DCHS2: variants seen among roughly 807,000 people sequenced by gnomAD.
DCHS2 encodes the protein dachsous cadherin-related 2.
Under a neutral mutation model 182.4 loss-of-function variants are expected in DCHS2, and 142 were observed. The ratio of observed to expected loss-of-function variants is 0.78; its 90% confidence interval spans 0.68 to 0.89. DCHS2 has a LOEUF of 0.89. DCHS2 is among the 40% of genes least tolerant of loss of function. The pLI is 0.00. For missense variants in DCHS2, 4,319 were observed against 4,198.6 expected (o/e 1.03, Z -0.79); for synonymous variants, 1,740 against 1,663.3 (o/e 1.05, Z -1.12).
Position 154,377,419 on chromosome 4 carries a change from C to T in DCHS2, c.2078G>A (p.Gly693Glu), listed in dbSNP as rs981406182. 6.2e-7 allele frequency: 1 copy of T among 1,612,972 alleles called. No individual in the cohort carries two copies. The highest frequency in any genetic ancestry group is 8.5e-7 in the Non-Finnish European group (1 of 1,179,382). ...LQVTASDADS[G>E]LYGFIEYSLY... is the part of the protein sequence containing the mutation. The stretch of plus-strand genomic sequence containing the variant: ...AGAATATTCAATAAAGCCATAGAGT[C>T]CTGAATCTGCATCAGAGGCTGTCAC... The change falls in exon 2 of 20, where the codon GGA becomes GAA. Residue 693 changes from glycine (G) to glutamate (E), a missense_variant. Coordinates refer to ENST00000357232, the MANE Select transcript of DCHS2 (RefSeq NM_001358235.2).
chr4:154,395,806 G>A (rs781718133), intron 1 of DCHS2, among the ~76,000 whole-genome samples: 1 of 152,176 alleles, frequency 6.6e-6, no homozygotes, highest in Non-Finnish European at 1.5e-5. Context: ...GAAAGTAGAC[G>A]AATGAATAAG....
At chr4:154,248,719 G>A (rs1036321840) in intron 16 of DCHS2, among the ~76,000 whole-genome samples, 12 of 152,074 alleles carry the variant, frequency 7.9e-5, no homozygotes, top group African/African-American at 2.4e-4. Flanking sequence ...AAATAGCATG[G>A]TACTGATATA....
Position 154,255,536 on chromosome 4 carries a change from C to T in DCHS2, c.6924G>A (p.Glu2308=), listed in dbSNP as rs145706252. 2 of 1,613,620 alleles carry T rather than the reference C, an allele frequency of 1.2e-6. No homozygotes were observed. The highest frequency in any genetic ancestry group is 1.7e-6 in the Non-Finnish European group (2 of 1,179,760). Residue 2308 remains glutamate (E), a synonymous_variant, in exon 16 of 20, where the codon GAG becomes GAA. Transcript: ENST00000357232. ...VITTKAILDY[E]LTSSYSLIVQ... ...GGACCAACCTGTAGGAGCTGGTGAG[C>T]TCGTAATCTAGAATCGCTTTTGTTG... is the stretch of plus-strand genomic sequence containing the variant.
At chr4:154,311,949 T>C (rs1735685055) in intron 10 of DCHS2, among the ~76,000 whole-genome samples, 1 of 152,022 alleles carries the variant, frequency 6.6e-6, no homozygotes, top group African/African-American at 2.4e-5. Context: ...CTGGTCCTTA[T>C]TCTTTTTCAT....
intron 1 of DCHS2, among the ~76,000 whole-genome samples, chr4:154,439,445 T>C (rs975733050): frequency 6.6e-6 from 1 of 152,208 alleles, no homozygotes; most frequent in Non-Finnish European, 1.5e-5. Context: ...GAAATACTTG[T>C]TTTTTAGTTA....
chr4:154,302,936 T>A (rs11943165), intron 12 of DCHS2, among the ~76,000 whole-genome samples: 1 of 35,424 alleles, frequency 2.8e-5, no homozygotes, highest in Admixed American at 3.8e-4. Context: ...GATATACGTA[T>A]ACACACACAC....
intron 16 of DCHS2, among the ~76,000 whole-genome samples, chr4:154,250,088 A>G (rs1274017576): frequency 6.6e-6 from 1 of 152,200 alleles, no homozygotes; most frequent in Non-Finnish European, 1.5e-5. Flanking sequence ...ATGCCATTTT[A>G]TATAAGAAAT....
Position 154,236,820 on chromosome 4 carries a change from T to C in DCHS2, c.7832A>G (p.Tyr2611Cys). ...CAACACAAGATAACCGACTTGCTTA[T>C]AAGGATATTCTGAATGAAAGAACTT... ...ETKFFHSEYP[Y>C]KQVGYLVLLH... The change falls in exon 20 of 20, where the codon TAT becomes TGT. Residue 2611 changes from tyrosine (Y) to cysteine (C), a missense_variant. Physicochemically the swap from Tyr to Cys is radical, Grantham distance 194. Coordinates refer to ENST00000357232, the MANE Select transcript of DCHS2 (RefSeq NM_001358235.2). 8.1e-6 allele frequency: 13 copies of C among 1,614,070 alleles called. No homozygotes were observed. Among genetic ancestry groups the C allele is most frequent in the Non-Finnish European group, 1.1e-5 (13 of 1,179,972 alleles).
At chr4:154,449,121 CTCTGCCTT>C (rs1291256774) in intron 1 of DCHS2, among the ~76,000 whole-genome samples, 2 of 151,954 alleles carry the variant, frequency 1.3e-5, no homozygotes, top group African/African-American at 4.8e-5. Context: ...GAAATTGTGC[CTCTGCCTT>C]TCTGCCCCTT....
chr4:154,377,507 T>C (rs1305464408), intron 1 of DCHS2, 63 bp from the exon 2 acceptor site: 47 of 1,384,202 alleles, frequency 3.4e-5, no homozygotes, highest in Non-Finnish European at 4.3e-5. Flanking sequence ...CAGTCAGTCA[T>C]GAATTATTAA....
chr4:154,391,168 G>A (rs1442925400), intron 1 of DCHS2: 2 of 1,611,590 alleles, frequency 1.2e-6, no homozygotes, highest in East Asian at 4.5e-5. Context: ...TCTTACCTCT[G>A]AGATTTCACA....
In DCHS2 at chr4:154,298,006, T is replaced by C. The variant is rs1407226181; in HGVS notation, c.6308A>G (p.Tyr2103Cys). The change falls in exon 13 of 20, where the codon TAC (tyrosine) becomes TGC (cysteine). Residue 2103 changes from tyrosine (Y) to cysteine (C), a missense_variant. Tyr to Cys is a radical substitution (Grantham distance 194). Transcript: ENST00000357232. ...IQFQQNPSSE[Y>C]FPIWLQLKVT... ...TTTTAACTGCAGCCAGATAGGGAAG[T>C]ATTCTGAAGATGGATTTTGCTGAAA... The C allele has an allele frequency of 1.9e-6, 3 of 1,614,108 alleles. No homozygotes were observed. The highest frequency in any genetic ancestry group is 2.5e-6 in the Non-Finnish European group (3 of 1,179,994).
intron 16 of DCHS2, among the ~76,000 whole-genome samples, chr4:154,250,967 G>C (rs1732322866): frequency 6.6e-6 from 1 of 152,164 alleles, no homozygotes; most frequent in African/African-American, 2.4e-5. Context: ...TGTACTACTT[G>C]CTACTTCCAA....
chr4:154,425,671 A>C (rs914628676), intron 1 of DCHS2, among the ~76,000 whole-genome samples: 2 of 152,240 alleles, frequency 1.3e-5, no homozygotes, highest in South Asian at 4.1e-4. Context: ...CACTTAACTA[A>C]GGCAAAACAC....
At chr4:154,446,661 G>A (rs1406765737) in intron 1 of DCHS2, among the ~76,000 whole-genome samples, 1 of 152,084 alleles carries the variant, frequency 6.6e-6, no homozygotes, top group Non-Finnish European at 1.5e-5. Context: ...TCTGGCTGGA[G>A]TCCATGCTCA....
At chr4:154,457,149 T>A (rs943404106) in intron 1 of DCHS2, among the ~76,000 whole-genome samples, 12 of 152,144 alleles carry the variant, frequency 7.9e-5, no homozygotes, top group Non-Finnish European at 1.6e-4. Flanking sequence ...ACTTATAGTC[T>A]AATTATATAG....
At chr4:154,462,317 A>C (rs908157750) in intron 1 of DCHS2, among the ~76,000 whole-genome samples, 19 of 152,192 alleles carry the variant, frequency 1.2e-4, no homozygotes, top group African/African-American at 4.6e-4. Context: ...TTTACTTAAC[A>C]CTTTACAGTC....
chr4:154,398,030 A>T (rs989792112), intron 1 of DCHS2, among the ~76,000 whole-genome samples: 1 of 152,208 alleles, frequency 6.6e-6, no homozygotes, highest in African/African-American at 2.4e-5. Context: ...CTGGAAAAGG[A>T]GACAATAATG....
In DCHS2 at chr4:154,491,508, T is replaced by C. The variant is rs1728836934; in HGVS notation, c.-153A>G. 1 of 1,399,990 alleles carries C rather than the reference T, an allele frequency of 7.1e-7. No homozygotes were observed. Among genetic ancestry groups the C allele is most frequent in the South Asian group, 1.7e-5 (1 of 57,802 alleles). The allele number at this position is 1,399,990 out of a possible 1,614,324, so 86.7% of individuals were successfully genotyped here. ...CGGCCCAGGAATTCCCGAGGTTACATCTGCAACTGGTGAAAGCGTCCTCTG... is the reference window on the plus strand; with the variant it reads ...CGGCCCAGGAATTCCCGAGGTTACACCTGCAACTGGTGAAAGCGTCCTCTG... On this transcript the variant is annotated 5_prime_UTR_variant, in exon 1 of 20. It removes an upstream start codon present in the reference 5' UTR. Coordinates refer to ENST00000357232, the MANE Select transcript of DCHS2 (RefSeq NM_001358235.2).
Sources: gnomAD v4.1 joint callset for allele counts (sites outside exome capture counted in the v4.1 genomes callset) on GRCh38, gnomAD v4.1.1 for gene constraint, MANE v1.5 for transcripts, NCBI Gene and HGNC (gene_info 2026-07-23, HGNC 2026-07-21) for gene names.